The following GLG1 variants were observed in gnomAD, a reference collection of about 807,000 sequenced individuals.
GLG1 encodes golgi glycoprotein 1.
In GLG1, 38 loss-of-function variants were observed where a neutral mutation model predicts 160.5. That is an observed-to-expected ratio of 0.24 (90% CI 0.18 to 0.31). The LOEUF (loss-of-function observed/expected upper bound fraction) is 0.31. GLG1 is among the 10% of genes least tolerant of loss of function. GLG1 has a pLI of 1.00. For synonymous variants in GLG1, 644 were observed against 543.4 expected (o/e 1.19, Z -2.57); for missense variants, 1,373 against 1,505.2 (o/e 0.91, Z 1.45).
chr16:74,581,564 G>A (rs1468263383), intron 1 of GLG1, among the ~76,000 whole-genome samples: 1 of 150,248 alleles, frequency 6.7e-6, no homozygotes, highest in Non-Finnish European at 1.5e-5. Context: ...GCCAGGAGGT[G>A]CTTCATGCCT....
At chr16:74,459,249 C>A (rs1482865864) in intron 23 of GLG1, among the ~76,000 whole-genome samples, 2 of 152,124 alleles carry the variant, frequency 1.3e-5, no homozygotes, top group South Asian at 4.2e-4. Flanking sequence ...AAGGCCGAGG[C>A]GGGTGGATCA....
At chr16:74,522,619 C>G (rs181292650) in intron 2 of GLG1, among the ~76,000 whole-genome samples, 1 of 152,014 alleles carries the variant, frequency 6.6e-6, no homozygotes, top group Non-Finnish European at 1.5e-5. Context: ...CACTGTCAGA[C>G]GTATGTATTA....
chr16:74,520,488 T>G (rs956400285), intron 2 of GLG1, among the ~76,000 whole-genome samples: 11 of 152,190 alleles, frequency 7.2e-5, no homozygotes, highest in Admixed American at 3.3e-4. Context: ...AATACAAAAT[T>G]AGCTGGGCGT....
rs78795802 is a variant in GLG1 at position 74,490,984 on chromosome 16, T to C, written c.1449+17A>G. 1.6e-5 allele frequency: 25 copies of C among 1,575,414 alleles called. No individual in the cohort carries two copies. The highest frequency in any genetic ancestry group is 2.7e-5 in the African/African-American group (2 of 74,326). On this transcript the variant is annotated intron_variant, in intron 8 of 25. Transcript: ENST00000422840. ...ATAAATGTGACATTCAAAATGGCAA[T>C]AGCAATGTCTCCTTACCGCCTGCTG...
At chr16:74,479,620 T>TG (rs2015526669) in intron 11 of GLG1, among the ~76,000 whole-genome samples, 1 of 152,090 alleles carries the variant, frequency 6.6e-6, no homozygotes, top group Non-Finnish European at 1.5e-5. Flanking sequence ...GGATGAGAAG[T>TG]GATACCATCT....
chr16:74,474,315 T>C (rs2015322844), intron 13 of GLG1: 1 of 451,828 alleles, frequency 2.2e-6, no homozygotes, highest in East Asian at 3.4e-5. Flanking sequence ...ACCTAATTTA[T>C]GAAGAAAACC....
chr16:74,601,046 C>T (rs547014740), intron 1 of GLG1, among the ~76,000 whole-genome samples: 2 of 152,204 alleles, frequency 1.3e-5, no homozygotes, highest in South Asian at 4.1e-4. Flanking sequence ...TCCAACCAGA[C>T]AGACAGCATA....
intron 1 of GLG1, among the ~76,000 whole-genome samples, chr16:74,533,426 T>G (rs541653644): frequency 6.6e-6 from 1 of 152,350 alleles, no homozygotes; most frequent in East Asian, 1.9e-4. Context: ...CATAACTCCT[T>G]TAGTTTCCTT....
chr16:74,463,732 T>TTTGTTGTTG (rs72240229), intron 19 of GLG1, among the ~76,000 whole-genome samples: 2 of 151,244 alleles, frequency 1.3e-5, no homozygotes, highest in South Asian at 2.1e-4. Context: ...TTGTGTTTTT[T>TTTGTTGTTG]TTGTTGTTGT....
chr16:74,600,629 G>A (rs1958419857), intron 1 of GLG1, among the ~76,000 whole-genome samples: 1 of 151,538 alleles, frequency 6.6e-6, no homozygotes. Context: ...CTACTCGGGA[G>A]GCTGAGGCAG....
chr16:74,523,803 T>G (rs2017248570), intron 2 of GLG1, among the ~76,000 whole-genome samples: 1 of 152,202 alleles, frequency 6.6e-6, no homozygotes. Context: ...CTTTACTAAG[T>G]TCATCTGTTA....
intron 18 of GLG1, 151 bp downstream of exon 18, chr16:74,467,605 G>T: frequency 1.8e-6 from 1 of 560,026 alleles, no homozygotes; most frequent in South Asian, 2.3e-5. Flanking sequence ...AGTTTAAGAA[G>T]GGATTAGGTT....
chr16:74,490,106 A>G (rs534309270), intron 8 of GLG1, among the ~76,000 whole-genome samples: 4 of 152,320 alleles, frequency 2.6e-5, no homozygotes, highest in African/African-American at 7.2e-5. Flanking sequence ...TCCCCAAAGG[A>G]AAGTTCACTG....
chr16:74,590,590 C>T (rs1378919686), intron 1 of GLG1, among the ~76,000 whole-genome samples: 1 of 147,380 alleles, frequency 6.8e-6, no homozygotes, highest in Non-Finnish European at 1.5e-5. Flanking sequence ...CACTGCACTC[C>T]AGCCTGGGCA....
In GLG1 at chr16:74,457,524, C is replaced by T. The variant is rs78356947; in HGVS notation, c.3265+350G>A. On this transcript the variant is annotated intron_variant, in intron 24 of 25. Coordinates refer to ENST00000422840, the MANE Select transcript of GLG1 (RefSeq NM_001145667.2). The stretch of plus-strand genomic sequence containing the variant: ...AGAACCTGTCTACTGAGTCCACTGT[C>T]GTCACCGGGGAAGTGTGTGAAGCTG... Among the ~76,000 whole-genome samples the T allele has an allele frequency of 1.5e-4, 23 of 152,300 alleles. 1 individual carries two copies. The East Asian group carries it at 4.1e-3, about 27-fold the overall frequency.
Position 74,606,825 on chromosome 16 carries a change from C to A in GLG1, c.270G>T (p.Pro90=), listed in dbSNP as rs1280748383. The A allele has an allele frequency of 1.2e-6, 2 of 1,600,478 alleles. No homozygotes were observed. The highest frequency in any genetic ancestry group is 1.7e-6 in the Non-Finnish European group (2 of 1,173,838). ...CCGGAGGCCCACCCGCCGGGAAAGGCGGCTGCGGCGGCTGAGGCTGCTGTT... is the reference window on the plus strand; with the variant it reads ...CCGGAGGCCCACCCGCCGGGAAAGGAGGCTGCGGCGGCTGAGGCTGCTGTT... ...QQQQQPQPPQ[P]PFPAGGPPAR... The change falls in exon 1 of 26, where the codon CCG becomes CCT. Residue 90 remains proline, a synonymous_variant. Coordinates refer to ENST00000422840, the MANE Select transcript of GLG1 (RefSeq NM_001145667.2).
Position 74,469,072 on chromosome 16 carries a change from G to T in GLG1, c.2319-9C>A. The T allele has an allele frequency of 6.2e-7, 1 of 1,600,272 alleles. No individual in the cohort carries two copies. The highest frequency in any genetic ancestry group is 8.6e-7 in the Non-Finnish European group (1 of 1,167,310). ...AGATCACCACGTCCACCCTGCAGAC[G>T]AAAGAAGCTTGAGGCTGGCTGGGGC... On this transcript the variant is annotated splice_polypyrimidine_tract_variant and intron_variant, in intron 16 of 25. Transcript: ENST00000422840.
chr16:74,483,323 G>A (rs2015673518), intron 9 of GLG1, among the ~76,000 whole-genome samples, 199 bp from the exon 10 acceptor site: 1 of 152,204 alleles, frequency 6.6e-6, no homozygotes, highest in Non-Finnish European at 1.5e-5. Context: ...ACTCAGCACT[G>A]AAGACTATGC....
At chr16:74,596,222 A>C (rs1412635214) in intron 1 of GLG1, among the ~76,000 whole-genome samples, 1 of 151,806 alleles carries the variant, frequency 6.6e-6, no homozygotes, top group Non-Finnish European at 1.5e-5. Context: ...ACTCTGTCTC[A>C]AAAAAAGAAA....
Sources: allele counts gnomAD v4.1 joint callset (sites outside exome capture counted in the v4.1 genomes callset), GRCh38; gene constraint gnomAD v4.1.1; transcripts MANE v1.5; gene names NCBI Gene and HGNC (gene_info 2026-07-23, HGNC 2026-07-21).